The following DACH2 variants were observed in gnomAD, a reference collection of about 807,000 sequenced individuals.
DACH2 encodes the protein dachshund family transcription factor 2.
DACH2 carries 17 observed loss-of-function variants against 35.8 expected under a neutral mutation model. That is an observed-to-expected ratio of 0.48 (90% CI 0.33 to 0.71). DACH2 has a LOEUF of 0.71. Ranked by LOEUF, DACH2 falls within the 30% of genes least tolerant of loss-of-function variation. The probability of loss-of-function intolerance (pLI) is 0.02; values close to 1 mark genes in which losing one functional copy is unlikely to be tolerated. For synonymous variants in DACH2, 195 were observed against 177.3 expected (o/e 1.10, Z -0.79); for missense variants, 469 against 472.7 (o/e 0.99, Z 0.07).
intron 1 of DACH2, among the ~76,000 whole-genome samples, chrX:86,182,852 G>T (rs772850791): frequency 9.0e-6 from 1 of 111,257 alleles, no homozygotes; most frequent in South Asian, 3.8e-4. Context: ...TTATTTCATT[G>T]AGCAGTGGTT....
intron 2 of DACH2, among the ~76,000 whole-genome samples, chrX:86,442,296 C>T (rs1323158296): frequency 1.0e-5 from 1 of 98,374 alleles, no homozygotes; most frequent in African/African-American, 3.8e-5. Flanking sequence ...GTTGGCCATT[C>T]TTGTGTCTTC....
intron 2 of DACH2, among the ~76,000 whole-genome samples, chrX:86,413,067 C>T (rs917046331): frequency 2.7e-5 from 3 of 111,421 alleles, no homozygotes; most frequent in African/African-American, 9.8e-5. Context: ...GCCCCATACC[C>T]CAGTACCCCT....
intron 2 of DACH2, among the ~76,000 whole-genome samples, chrX:86,413,073 C>A (rs1449411250): frequency 1.8e-5 from 2 of 111,489 alleles, no homozygotes; most frequent in Middle Eastern, 4.6e-3. Context: ...TACCCCAGTA[C>A]CCCTAGAAAT....
intron 1 of DACH2, among the ~76,000 whole-genome samples, chrX:86,338,497 T>C (rs954969917): frequency 1.8e-5 from 2 of 111,704 alleles, no homozygotes; most frequent in Non-Finnish European, 1.9e-5. Context: ...AAGGCATAAA[T>C]GAAGATGTTC....
intron 6 of DACH2, among the ~76,000 whole-genome samples, chrX:86,718,940 A>G (rs751307549): frequency 2.7e-5 from 3 of 112,047 alleles, no homozygotes; most frequent in African/African-American, 9.7e-5. Context: ...CTTTTTGCTT[A>G]GTATTTATTT....
At position 86,695,079 on chromosome X, in the gene DACH2, A is replaced by G; in HGVS notation, c.831A>G (p.Gly277=). The change falls in exon 5 of 12, where the codon GGA becomes GGG. Residue 277 remains glycine (G), a synonymous_variant. Coordinates refer to ENST00000373125, the MANE Select transcript of DACH2 (RefSeq NM_053281.3). The part of the protein sequence containing the change: ...DKMQSPFAAP[G]PQHGIAHAAL... ...TGCAGTCTCCATTTGCTGCACCTGG[A>G]CCCCAACATGGAATTGCTCATGCAG... 1 of 1,148,764 alleles carries G rather than the reference A, an allele frequency of 8.7e-7. No homozygotes were observed. The highest frequency in any genetic ancestry group is 2.6e-5 in the Admixed American group (1 of 39,123). The allele number at this position is 1,148,764 out of a possible 1,213,427, so 94.7% of individuals were successfully genotyped here.
chrX:86,407,068 C>T (rs1485167713), intron 2 of DACH2, among the ~76,000 whole-genome samples: 1 of 111,624 alleles, frequency 9.0e-6, no homozygotes, highest in Admixed American at 9.6e-5. Context: ...GAGACTTGAA[C>T]TAACATGATT....
chrX:86,610,363 C>CTCTTTCTTTCTTTT (rs2039917131), intron 3 of DACH2, among the ~76,000 whole-genome samples: 4 of 70,083 alleles, frequency 5.7e-5, no homozygotes, highest in Non-Finnish European at 5.3e-5. Flanking sequence ...TCCTTCCTTC[C>CTCTTTCTTTCTTTT]TCTTTCTTTC....
chrX:86,750,074 A>G (rs954678280), intron 7 of DACH2, among the ~76,000 whole-genome samples: 3 of 111,085 alleles, frequency 2.7e-5, no homozygotes, highest in Non-Finnish European at 5.7e-5. Context: ...TTCAATCTAT[A>G]TGCCTTTTAT....
At chrX:86,449,675 A>G (rs1198243868) in intron 2 of DACH2, among the ~76,000 whole-genome samples, 1 of 110,701 alleles carries the variant, frequency 9.0e-6, no homozygotes, top group Non-Finnish European at 1.9e-5. Flanking sequence ...ATTTTGCTTC[A>G]TTGTTACCAT....
At chrX:86,680,652 C>CT (rs1195400316) in intron 4 of DACH2, among the ~76,000 whole-genome samples, 7,176 of 82,243 alleles carry the variant, frequency 0.087, 401 homozygotes, top group Non-Finnish European at 0.13. Flanking sequence ...TGACTCATTT[C>CT]TTTTTTTTTT....
At chrX:86,268,967 C>T (rs909401044) in intron 1 of DACH2, among the ~76,000 whole-genome samples, 5 of 111,324 alleles carry the variant, frequency 4.5e-5, no homozygotes, top group African/African-American at 1.6e-4. Flanking sequence ...AAGAATTTAT[C>T]CTTTGTGTTA....
intron 2 of DACH2, among the ~76,000 whole-genome samples, chrX:86,435,754 T>G (rs766985111): frequency 3.0e-4 from 34 of 111,919 alleles, no homozygotes; most frequent in African/African-American, 1.1e-3. Flanking sequence ...TTTGTATATT[T>G]TACTCATAGA....
intron 2 of DACH2, among the ~76,000 whole-genome samples, chrX:86,438,676 T>G (rs951242120): frequency 8.9e-6 from 1 of 112,562 alleles, no homozygotes; most frequent in Non-Finnish European, 1.9e-5. Context: ...TGCATGTGTC[T>G]TTATGATACA....
intron 4 of DACH2, among the ~76,000 whole-genome samples, chrX:86,655,995 CTT>C (rs1488990721): frequency 9.3e-6 from 1 of 107,221 alleles, no homozygotes; most frequent in East Asian, 2.9e-4. Context: ...ATCATCAAGA[CTT>C]TGTCCAGTGC....
intron 7 of DACH2, among the ~76,000 whole-genome samples, chrX:86,740,299 T>C (rs1056153538): frequency 4.5e-5 from 5 of 111,040 alleles, no homozygotes; most frequent in African/African-American, 1.6e-4. Flanking sequence ...ACAACTTAGA[T>C]CACAAATATT....
At chrX:86,539,235 C>G (rs1042757714) in intron 3 of DACH2, among the ~76,000 whole-genome samples, 1 of 111,370 alleles carries the variant, frequency 9.0e-6, no homozygotes, top group African/African-American at 3.3e-5. Flanking sequence ...CCCCTTCACT[C>G]CCTCTCTCCT....
At chrX:86,592,746 T>C (rs2039663374) in intron 3 of DACH2, among the ~76,000 whole-genome samples, 2 of 112,216 alleles carry the variant, frequency 1.8e-5, no homozygotes, top group South Asian at 3.6e-4. Context: ...AAATACTTTG[T>C]TAGATTTATA....
chrX:86,349,713 C>A (rs1372130771), intron 1 of DACH2, among the ~76,000 whole-genome samples: 1 of 112,413 alleles, frequency 8.9e-6, no homozygotes, highest in East Asian at 2.8e-4. Flanking sequence ...TCAAATTGAT[C>A]TCATTCTGAT....
Sources: gnomAD v4.1 joint callset for allele counts (sites outside exome capture counted in the v4.1 genomes callset) on GRCh38, gnomAD v4.1.1 for gene constraint, MANE v1.5 for transcripts, NCBI Gene and HGNC (gene_info 2026-07-23, HGNC 2026-07-21) for gene names.